Variants in BRSK1 observed in about 807,000 individuals in gnomAD.
BRSK1 encodes the protein serine/threonine-protein kinase BRSK1.
In BRSK1, 17 loss-of-function variants were observed where a neutral mutation model predicts 86.2. The observed-to-expected ratio is 0.20, with a 90% CI of 0.14 to 0.30. The LOEUF (loss-of-function observed/expected upper bound fraction) is 0.30, where lower values mean the gene tolerates loss of function less well. BRSK1 is among the 10% of genes least tolerant of loss of function. The pLI, the probability that BRSK1 is intolerant of heterozygous loss-of-function variation, is 1.00. For synonymous variants in BRSK1, 464 were observed against 440.1 expected (o/e 1.05, Z -0.68); for missense variants, 719 against 1,071.9 (o/e 0.67, Z 4.60).
At chr19:55,285,507 T>C (rs184089631) in intron 1 of BRSK1, among the ~76,000 whole-genome samples, 1 of 152,140 alleles carries the variant, frequency 6.6e-6, no homozygotes, top group Admixed American at 6.5e-5. Flanking sequence ...CCCACTGTCC[T>C]CTGGCCTCCA....
chr19:55,302,970 G>A lies in BRSK1; in HGVS notation c.1028+103G>A. The A allele has an allele frequency of 6.9e-7, 1 of 1,453,598 alleles. No individual in the cohort carries two copies. The allele number at this position is 1,453,598 out of a possible 1,614,324, so 90.0% of individuals were successfully genotyped here. On this transcript the variant is annotated intron_variant, in intron 10 of 18. Coordinates refer to ENST00000309383, the MANE Select transcript of BRSK1 (RefSeq NM_032430.2). This position sits in a 1 kb window ranked among gnomAD's most constrained non-coding sequence, Gnocchi z 6.3. Reference sequence around the variant, plus strand: ...TGGGCGAGGAACCCTGGCCTCTCATGGGGCATGGTTTGAAGCTCCCGCCTG... The same window carrying A: ...TGGGCGAGGAACCCTGGCCTCTCATAGGGCATGGTTTGAAGCTCCCGCCTG...
rs1458306846 is a variant in BRSK1, at chr19:55,284,242, C to T, written c.-201C>T. 1 of 488,676 alleles carries T rather than the reference C, an allele frequency of 2.0e-6. No homozygotes were observed. The highest frequency in any genetic ancestry group is 3.2e-6 in the Non-Finnish European group (1 of 314,294). The allele number at this position is 488,676 out of a possible 1,614,324, so 30.3% of individuals were successfully genotyped here. Reference sequence around the variant, plus strand: ...GCCATGCTGACTCCCGGGGCCTGACCCCCCCGGGCCAGCCCCCCCTCCCCC... The same window carrying T: ...GCCATGCTGACTCCCGGGGCCTGACTCCCCCGGGCCAGCCCCCCCTCCCCC... On this transcript the variant is annotated 5_prime_UTR_variant, in exon 1 of 19. Transcript: ENST00000309383.
intron 14 of BRSK1, 81 bp from the exon 15 acceptor site, chr19:55,305,240 A>T: frequency 4.5e-6 from 7 of 1,551,768 alleles, no homozygotes; most frequent in Non-Finnish European, 6.2e-6. Flanking sequence ...GAACCCTGGG[A>T]GGGGGCGAGT....
rs1292211553 is a variant in BRSK1 at position 55,293,933 on chromosome 19, A to T, written c.459-84A>T. The stretch of plus-strand genomic sequence containing the variant: ...CCTAAAAATCCAAAAAGTATGCAGA[A>T]GTGTTCCACTGTGAGAGCCAGTCAG... On this transcript the variant is annotated intron_variant, in intron 4 of 18. Coordinates refer to ENST00000309383, the MANE Select transcript of BRSK1 (RefSeq NM_032430.2). 4.3e-6 allele frequency: 5 copies of T among 1,173,864 alleles called. No homozygotes were observed. In the East Asian group the frequency reaches 1.2e-4, roughly 28 times the overall value. The allele number at this position is 1,173,864 out of a possible 1,614,324, so 72.7% of individuals were successfully genotyped here.
At chr19:55,305,174 T>G in intron 14 of BRSK1, 147 bp from the exon 15 acceptor site, 1 of 1,236,752 alleles carries the variant, frequency 8.1e-7, no homozygotes, top group South Asian at 1.4e-5. Context: ...TGGCCCGTGG[T>G]TTGTGAGCCC....
intron 4 of BRSK1, among the ~76,000 whole-genome samples, chr19:55,290,681 A>G (rs1324168445): frequency 4.0e-5 from 6 of 149,442 alleles, no homozygotes; most frequent in African/African-American, 7.4e-5. Flanking sequence ...TTGCTCTGTC[A>G]CCCAGGCTGG....
rs1340137034 is a variant in BRSK1 at position 55,306,918 on chromosome 19, T to G, written c.2089+468T>G. ...AGCACACTGCTGTCTAATATCAGTC[T>G]GCCCAGAGCAGACATTACCAATTGA... On this transcript the variant is annotated intron_variant, in intron 17 of 18. Transcript: ENST00000309383. This position sits in a 1 kb window ranked among gnomAD's most constrained non-coding sequence, Gnocchi z 4.7. 6.6e-6 allele frequency among the ~76,000 whole-genome samples: 1 copy of G among 152,204 alleles called. No individual in the cohort carries two copies. The highest frequency in any genetic ancestry group is 6.5e-5 in the Admixed American group (1 of 15,276).
Position 55,303,938 on chromosome 19 carries a change from C to G in BRSK1, c.1286+112C>G, listed in dbSNP as rs1020897312. Reference sequence around the variant, plus strand: ...TGTGTCCTTGGGACAATTCACCTCCCCTCTCTGGGCCTCATTTCCTCACCT... The same window carrying G: ...TGTGTCCTTGGGACAATTCACCTCCGCTCTCTGGGCCTCATTTCCTCACCT... On this transcript the variant is annotated intron_variant, in intron 12 of 18. Coordinates refer to ENST00000309383, the MANE Select transcript of BRSK1 (RefSeq NM_032430.2). This position sits in a 1 kb window ranked among gnomAD's most constrained non-coding sequence, Gnocchi z 5.1. The G allele has an allele frequency of 1.3e-6, 2 of 1,498,958 alleles. No homozygotes were observed. The highest frequency in any genetic ancestry group is 1.8e-6 in the Non-Finnish European group (2 of 1,116,656). The allele number at this position is 1,498,958 out of a possible 1,614,324, so 92.9% of individuals were successfully genotyped here. A position where few individuals can be genotyped will look rare whatever the true frequency, so the allele number is the denominator to read the frequency against.
In BRSK1 at chr19:55,310,052, C is replaced by T. The variant is rs1158355511; in HGVS notation, c.2179+1324C>T. Among the ~76,000 whole-genome samples, 3 of 152,314 alleles carry T rather than the reference C, an allele frequency of 2.0e-5. No homozygotes were observed. The East Asian group carries it at 5.8e-4, about 29-fold the overall frequency. Reference sequence around the variant, plus strand: ...CCTTGTCACCAGAAACTCTGAGTCCCAGGGTCAGGTCTTTTGCTCTGGAGC... The same window carrying T: ...CCTTGTCACCAGAAACTCTGAGTCCTAGGGTCAGGTCTTTTGCTCTGGAGC... On this transcript the variant is annotated intron_variant, in intron 18 of 18. Coordinates refer to ENST00000309383, the MANE Select transcript of BRSK1 (RefSeq NM_032430.2). This position sits in a 1 kb window ranked among gnomAD's most constrained non-coding sequence, Gnocchi z 5.0.
At position 55,287,160 on chromosome 19, in the gene BRSK1, G is replaced by A; in HGVS notation, c.232-54G>A. The A allele has an allele frequency of 1.9e-6, 3 of 1,612,428 alleles. No homozygotes were observed. Among genetic ancestry groups the A allele is most frequent in the Admixed American group, 1.7e-5 (1 of 60,004 alleles). On this transcript the variant is annotated intron_variant, in intron 2 of 18. Coordinates refer to ENST00000309383, the MANE Select transcript of BRSK1 (RefSeq NM_032430.2). This position sits in a 1 kb window ranked among gnomAD's most constrained non-coding sequence, Gnocchi z 5.3. ...GGGGGGCCTCCGGGGCTGAGGGCAG[G>A]GGCGGGGCCGTGCTGACCTCTTTTC...
At chr19:55,301,421 T>C (rs1276704508) in intron 7 of BRSK1, 91 bp from the exon 8 acceptor site, 19 of 1,482,318 alleles carry the variant, frequency 1.3e-5, no homozygotes, top group Admixed American at 2.1e-5. Flanking sequence ...TTCCAACCCC[T>C]TAAGGTGGAG....
intron 1 of BRSK1, 67 bp downstream of exon 1, chr19:55,284,645 CAG>C (rs1377967846): frequency 3.2e-6 from 4 of 1,238,004 alleles, no homozygotes; most frequent in East Asian, 6.3e-5. Context: ...AGGCGGGACT[CAG>C]GGTATTCAAA....
rs2122979465 is a variant in BRSK1 at position 55,303,459 on chromosome 19, A to G, written c.1126+51A>G. On this transcript the variant is annotated intron_variant, in intron 11 of 18. Coordinates refer to ENST00000309383, the MANE Select transcript of BRSK1 (RefSeq NM_032430.2). The surrounding 1 kb of genome is among the most constrained non-coding windows in gnomAD (Gnocchi z 5.1). Reference sequence around the variant, plus strand: ...GACACCTGGGTCTCGAGATTGGAAGAGGCTGGCCACGGGGACCCCAGATTC... The same window carrying G: ...GACACCTGGGTCTCGAGATTGGAAGGGGCTGGCCACGGGGACCCCAGATTC... The G allele has an allele frequency of 6.3e-7, 1 of 1,583,384 alleles. No individual in the cohort carries two copies.
At chr19:55,305,689 G>T (rs1024606361) in intron 16 of BRSK1, 103 bp downstream of exon 16, 19 of 1,529,686 alleles carry the variant, frequency 1.2e-5, no homozygotes, top group Admixed American at 4.0e-5. Context: ...TCCTCCTGGG[G>T]CTCATGGGAT....
chr19:55,311,522 G>A (rs1199855646), intron 18 of BRSK1, among the ~76,000 whole-genome samples: 2 of 152,192 alleles, frequency 1.3e-5, no homozygotes, highest in Non-Finnish European at 2.9e-5. Context: ...AACCAGGGTA[G>A]GAGAGAGTCG....
chr19:55,292,548 T>A (rs1307757443), intron 4 of BRSK1, among the ~76,000 whole-genome samples: 1 of 151,940 alleles, frequency 6.6e-6, no homozygotes, highest in African/African-American at 2.4e-5. Context: ...ATAAAAAGTT[T>A]CCAGGCCGGG....
chr19:55,306,314 T>C lies in BRSK1; in HGVS notation c.1953T>C (p.Ser651=). 6.2e-7 allele frequency: 1 copy of C among 1,614,146 alleles called. No homozygotes were observed. The highest frequency in any genetic ancestry group is 8.5e-7 in the Non-Finnish European group (1 of 1,180,048). Residue 651 remains serine (S), a synonymous_variant, in exon 17 of 19, where the codon AGT becomes AGC. Transcript: ENST00000309383. The surrounding 1 kb of genome is among the most constrained non-coding windows in gnomAD (Gnocchi z 4.7). ...GCTTCAGGGCCGAGTACAAGGCCAGTGGCGGCCCCTCCGTCTTCCAAAAGC... is the reference window on the plus strand; with the variant it reads ...GCTTCAGGGCCGAGTACAAGGCCAGCGGCGGCCCCTCCGTCTTCCAAAAGC... ...QTSFRAEYKA[S]GGPSVFQKPV...
intron 7 of BRSK1, among the ~76,000 whole-genome samples, chr19:55,301,285 A>T (rs1231621786): frequency 6.6e-6 from 1 of 152,178 alleles, no homozygotes; most frequent in Non-Finnish European, 1.5e-5. Context: ...GTCTAAAAGG[A>T]ACAGCCTCCA....
chr19:55,307,191 C>A (rs569956570), intron 17 of BRSK1, among the ~76,000 whole-genome samples: 1 of 152,208 alleles, frequency 6.6e-6, no homozygotes, highest in Non-Finnish European at 1.5e-5. Context: ...GATTTCTAAA[C>A]CAAACGGCTG....
Sources: gnomAD v4.1 joint callset for allele counts (sites outside exome capture counted in the v4.1 genomes callset) on GRCh38, gnomAD v4.1.1 for gene constraint, Gnocchi (gnomAD v3.1) non-coding constraint, MANE v1.5 for transcripts, NCBI Gene and HGNC (gene_info 2026-07-23, HGNC 2026-07-21) for gene names.